Variants in ADAMTS17 observed in about 807,000 individuals in gnomAD.
ADAMTS17 encodes ADAM metallopeptidase with thrombospondin type 1 motif 17.
A neutral mutation model predicts 141.5 loss-of-function variants in ADAMTS17; 113 were observed. That is an observed-to-expected ratio of 0.80 (90% CI 0.69 to 0.93). The LOEUF is 0.93. ADAMTS17 is among the 40% of genes least tolerant of loss of function. ADAMTS17 has a pLI of 0.00. For missense variants in ADAMTS17, 1,659 were observed against 1,517.9 expected (o/e 1.09, Z -1.54); for synonymous variants, 768 against 630.6 (o/e 1.22, Z -3.27).
In ADAMTS17 at chr15:99,973,917, G is replaced by A. The variant is rs577194685; in HGVS notation, c.*485C>T. On this transcript the variant is annotated 3_prime_UTR_variant, in exon 22 of 22. Transcript: ENST00000268070. ...GAGAGAAACGTGTGCTAAGCAGCCC[G>A]GCCCTCCCCAGAGAAGCCACGGGCA... is the stretch of plus-strand genomic sequence containing the variant. 9.4e-5 allele frequency: 22 copies of A among 234,420 alleles called. 1 individual carries two copies. Among genetic ancestry groups the A allele is most frequent in the East Asian group, 5.6e-4 (5 of 8,876 alleles). 14.5% of individuals were successfully genotyped at this position (234,420 alleles called of 1,614,324 possible). A position where few individuals can be genotyped will look rare whatever the true frequency, so the allele number is the denominator to read the frequency against.
chr15:100,262,808 A>T (rs779452373), intron 4 of ADAMTS17, among the ~76,000 whole-genome samples: 3 of 151,618 alleles, frequency 2.0e-5, no homozygotes, highest in Non-Finnish European at 4.4e-5. Flanking sequence ...CAAAAAACCT[A>T]AAGAATAATT....
intron 18 of ADAMTS17, among the ~76,000 whole-genome samples, chr15:100,010,775 G>A (rs1052472715): frequency 2.0e-5 from 3 of 152,202 alleles, no homozygotes; most frequent in Non-Finnish European, 4.4e-5. Flanking sequence ...AGGTACAACT[G>A]GGACTTTACT....
At chr15:99,977,376 ATATATATATATATATATATATATAATT>A (rs2060369466) in intron 20 of ADAMTS17, among the ~76,000 whole-genome samples, 1 of 16,650 alleles carries the variant, frequency 6.0e-5, no homozygotes, top group African/African-American at 3.1e-4. Context: ...ATATATATAT[ATATATATATATATATATATATATAATT>A]TTTTTTTTTT....
At chr15:100,226,449 A>G (rs1751112677) in intron 7 of ADAMTS17, among the ~76,000 whole-genome samples, 1 of 152,266 alleles carries the variant, frequency 6.6e-6, no homozygotes, top group African/African-American at 2.4e-5. Context: ...CCATAATACA[A>G]TCAGAAGCAC....
At chr15:100,311,028 G>A (rs1034631730) in intron 3 of ADAMTS17, among the ~76,000 whole-genome samples, 9 of 152,236 alleles carry the variant, frequency 5.9e-5, no homozygotes, top group Non-Finnish European at 8.8e-5. Flanking sequence ...TTTTCCATGA[G>A]AAATTCATGT....
In ADAMTS17 at chr15:99,992,331, A is replaced by T. The variant is rs978579808; in HGVS notation, c.2949+717T>A. Reference sequence around the variant, plus strand: ...AGTTTTTCAGTTGCTAAGACCATACAGAAGGACAAACACGGTCTATGCTTA... The same window carrying T: ...AGTTTTTCAGTTGCTAAGACCATACTGAAGGACAAACACGGTCTATGCTTA... On this transcript the variant is annotated intron_variant, in intron 20 of 21. Transcript: ENST00000268070. 2.0e-5 allele frequency among the ~76,000 whole-genome samples: 3 copies of T among 152,210 alleles called. No individual in the cohort carries two copies. The East Asian group carries it at 5.8e-4, about 29-fold the overall frequency.
intron 5 of ADAMTS17, among the ~76,000 whole-genome samples, chr15:100,262,114 C>A (rs920934023): frequency 1.3e-5 from 2 of 152,188 alleles, no homozygotes; most frequent in Non-Finnish European, 2.9e-5. Context: ...ATCCGAGACC[C>A]TCCGGGAGAG....
At chr15:100,217,415 C>A (rs538735403) in intron 7 of ADAMTS17, among the ~76,000 whole-genome samples, 2 of 152,032 alleles carry the variant, frequency 1.3e-5, no homozygotes, top group African/African-American at 4.8e-5. Flanking sequence ...CTGGCCAACA[C>A]GGGAAAACCC....
chr15:100,138,686 A>T (rs948222468), intron 10 of ADAMTS17, among the ~76,000 whole-genome samples: 5 of 152,224 alleles, frequency 3.3e-5, no homozygotes, highest in South Asian at 2.1e-4. Context: ...ACCCAGAAGG[A>T]GAGAATAGAA....
Position 100,148,532 on chromosome 15 carries a change from T to C in ADAMTS17, c.1473+4080A>G, listed in dbSNP as rs527455144. Among the ~76,000 whole-genome samples, 12 of 152,026 alleles carry C rather than the reference T, an allele frequency of 7.9e-5. No individual in the cohort carries two copies. The South Asian group carries it at 2.5e-3, about 32-fold the overall frequency. On this transcript the variant is annotated intron_variant, in intron 10 of 21. Coordinates refer to ENST00000268070, the MANE Select transcript of ADAMTS17 (RefSeq NM_139057.4). Reference sequence around the variant, plus strand: ...TGTAGGCTGACAGCCTTTTTTTTTTTAGTACTTTACAATGTTTCTCTGTTG... The same window carrying C: ...TGTAGGCTGACAGCCTTTTTTTTTTCAGTACTTTACAATGTTTCTCTGTTG...
rs1441543617 is a variant in ADAMTS17, at chr15:100,261,470, C to T, written c.1031+9G>A. The T allele has an allele frequency of 6.2e-7, 1 of 1,613,782 alleles. No homozygotes were observed. Among genetic ancestry groups the T allele is most frequent in the Non-Finnish European group, 8.5e-7 (1 of 1,180,026 alleles). ...TCACATGTCAGCTACAGGCCAAATCCCATCTTACCTGGTCACAAACACGGC... is the reference window on the plus strand; with the variant it reads ...TCACATGTCAGCTACAGGCCAAATCTCATCTTACCTGGTCACAAACACGGC... On this transcript the variant is annotated intron_variant, in intron 6 of 21. Transcript: ENST00000268070.
rs2034894559 is a variant in ADAMTS17 at position 100,083,635 on chromosome 15, A to G, written c.2137+12721T>C. Among the ~76,000 whole-genome samples the G allele has an allele frequency of 3.9e-5, 6 of 152,044 alleles. No individual in the cohort carries two copies. The South Asian group carries it at 1.3e-3, about 32-fold the overall frequency. ...ACAGACCTAGCCTTGGATGTTTACA[A>G]ATAAATGTCCTGCAGGATGTTTGGA... On this transcript the variant is annotated intron_variant, in intron 15 of 21. Coordinates refer to ENST00000268070, the MANE Select transcript of ADAMTS17 (RefSeq NM_139057.4).
chr15:100,218,952 T>G (rs2042051333), intron 7 of ADAMTS17, among the ~76,000 whole-genome samples: 1 of 152,206 alleles, frequency 6.6e-6, no homozygotes, highest in South Asian at 2.1e-4. Context: ...TATGTACCTC[T>G]AAACATGTAT....
intron 18 of ADAMTS17, among the ~76,000 whole-genome samples, chr15:99,998,531 G>T (rs754076642): frequency 3.3e-5 from 5 of 152,174 alleles, no homozygotes; most frequent in Non-Finnish European, 1.5e-5. Context: ...TTGAACCCAG[G>T]GGGTGGAGGT....
At chr15:100,206,490 T>C (rs1052512651) in intron 7 of ADAMTS17, among the ~76,000 whole-genome samples, 1 of 152,142 alleles carries the variant, frequency 6.6e-6, no homozygotes, top group Non-Finnish European at 1.5e-5. Context: ...TGGCGCCTAT[T>C]TCGGTCAATA....
At chr15:100,055,618 AAG>A (rs1157290578) in intron 15 of ADAMTS17, among the ~76,000 whole-genome samples, 10 of 152,144 alleles carry the variant, frequency 6.6e-5, no homozygotes, top group Non-Finnish European at 1.3e-4. Flanking sequence ...CAGCTTAGGA[AAG>A]AGAAAGCCCT....
intron 8 of ADAMTS17, among the ~76,000 whole-genome samples, chr15:100,185,748 T>C (rs773055765): frequency 3.3e-5 from 5 of 152,158 alleles, no homozygotes; most frequent in Non-Finnish European, 5.9e-5. Flanking sequence ...CTCGTCCACA[T>C]AAAGACACTC....
chr15:99,982,447 G>C (rs1225566563), intron 20 of ADAMTS17, among the ~76,000 whole-genome samples: 2 of 152,178 alleles, frequency 1.3e-5, no homozygotes, highest in Non-Finnish European at 2.9e-5. Context: ...TTCCAGACAG[G>C]TCTGAAGGGG....
chr15:100,273,067 T>C (rs1475286165), intron 4 of ADAMTS17, among the ~76,000 whole-genome samples: 3 of 152,178 alleles, frequency 2.0e-5, no homozygotes, highest in African/African-American at 7.2e-5. Context: ...GTATAATCAT[T>C]TTAATATGCT....
Sources: allele counts gnomAD v4.1 joint callset (sites outside exome capture counted in the v4.1 genomes callset), GRCh38; gene constraint gnomAD v4.1.1; transcripts MANE v1.5; gene names NCBI Gene and HGNC (gene_info 2026-07-23, HGNC 2026-07-21).